The following CATSPERB variants were observed in gnomAD, a reference collection of about 807,000 sequenced individuals.
CATSPERB encodes the protein catsper channel auxiliary subunit beta.
CATSPERB carries 93 observed loss-of-function variants against 128.3 expected under a neutral mutation model. That is an observed-to-expected ratio of 0.72 (90% CI 0.61 to 0.86). The LOEUF (loss-of-function observed/expected upper bound fraction) is 0.86, where lower values mean the gene tolerates loss of function less well. Ranked by LOEUF, CATSPERB falls within the 40% of genes least tolerant of loss-of-function variation. The pLI, the probability that CATSPERB is intolerant of heterozygous loss-of-function variation, is 0.00. For synonymous variants in CATSPERB, 381 were observed against 448.8 expected (o/e 0.85, Z 1.91); for missense variants, 1,153 against 1,329.5 (o/e 0.87, Z 2.06).
chr14:91,642,693 G>A (rs1327176767), intron 15 of CATSPERB, among the ~76,000 whole-genome samples: 11 of 132,434 alleles, frequency 8.3e-5, no homozygotes, highest in African/African-American at 2.6e-4. Flanking sequence ...GTCTCTGCCC[G>A]GCTTTGGTAT....
At chr14:91,646,643 C>T (rs948856927) in intron 15 of CATSPERB, among the ~76,000 whole-genome samples, 3 of 152,196 alleles carry the variant, frequency 2.0e-5, no homozygotes, top group Non-Finnish European at 2.9e-5. Context: ...TTCAGCTACA[C>T]GAGCCTGAGG....
Position 91,582,183 on chromosome 14 carries a change from T to C in CATSPERB, c.3133-1076A>G, listed in dbSNP as rs371530683. Among the ~76,000 whole-genome samples the C allele has an allele frequency of 9.8e-5, 15 of 152,328 alleles. No individual in the cohort carries two copies. In the East Asian group the frequency reaches 2.9e-3, roughly 29 times the overall value. On this transcript the variant is annotated intron_variant, in intron 26 of 26. Coordinates refer to ENST00000256343, the MANE Select transcript of CATSPERB (RefSeq NM_024764.4). ...TGACATCCTAACATTGCCAGATTTA[T>C]CTTTGTATAAAACACCAGTCTGTGT... is the stretch of plus-strand genomic sequence containing the variant.
At chr14:91,601,618 A>T (rs184932963) in intron 22 of CATSPERB, among the ~76,000 whole-genome samples, 71 of 152,314 alleles carry the variant, frequency 4.7e-4, no homozygotes, top group African/African-American at 1.7e-3. Flanking sequence ...TAGGGATCTG[A>T]TTCTCACATT....
At chr14:91,638,601 T>C (rs990687947) in intron 16 of CATSPERB, among the ~76,000 whole-genome samples, 2 of 152,126 alleles carry the variant, frequency 1.3e-5, no homozygotes, top group Non-Finnish European at 2.9e-5. Context: ...TTTAATTCTT[T>C]GGTAGAGATG....
chr14:91,588,187 A>G (rs1893337119), intron 24 of CATSPERB, 109 bp from the exon 25 acceptor site: 1 of 668,212 alleles, frequency 1.5e-6, no homozygotes, highest in South Asian at 1.9e-5. Context: ...TACTATTACT[A>G]TTTCATTTGC....
At position 91,581,042 on chromosome 14, in the gene CATSPERB, T is replaced by C. The variant is rs1893198747; in HGVS notation, c.3198A>G (p.Val1066=). The C allele has an allele frequency of 1.2e-6, 2 of 1,614,234 alleles. No homozygotes were observed. Among genetic ancestry groups the C allele is most frequent in the South Asian group, 1.1e-5 (1 of 91,086 alleles). ...GHTLIAVATA[V]VLGGLIFIAF... ...CTATAAAAATTAATCCCCCTAGCAC[T>C]ACCGCTGTTGCCACGGCAATAAGCG... is the stretch of plus-strand genomic sequence containing the variant. The change falls in exon 27 of 27, where the codon GTA becomes GTG. Residue 1066 remains valine (V), a synonymous_variant. Transcript: ENST00000256343.
intron 21 of CATSPERB, 36 bp from the exon 22 acceptor site, chr14:91,608,440 T>C: frequency 8.3e-7 from 1 of 1,209,138 alleles, no homozygotes; most frequent in Non-Finnish European, 1.2e-6. Context: ...GTACAATTCA[T>C]TATTATGAAG....
At chr14:91,620,552 T>C (rs922349912) in intron 19 of CATSPERB, among the ~76,000 whole-genome samples, 17 of 152,360 alleles carry the variant, frequency 1.1e-4, no homozygotes, top group East Asian at 3.9e-4. Flanking sequence ...ATTTTTTGTT[T>C]TATTTTTTCC....
chr14:91,724,740 G>C (rs1478179617), intron 3 of CATSPERB, among the ~76,000 whole-genome samples: 1 of 152,034 alleles, frequency 6.6e-6, no homozygotes, highest in Non-Finnish European at 1.5e-5. Flanking sequence ...GATTTTCAAG[G>C]TCATGTGAGG....
intron 5 of CATSPERB, among the ~76,000 whole-genome samples, chr14:91,713,309 C>T (rs936704219): frequency 1.3e-5 from 2 of 151,706 alleles, no homozygotes; most frequent in Non-Finnish European, 2.9e-5. Context: ...GCAAATTAAA[C>T]CCAGTGCAAG....
intron 23 of CATSPERB, among the ~76,000 whole-genome samples, chr14:91,591,377 T>C (rs904027725): frequency 1.3e-5 from 2 of 152,096 alleles, no homozygotes; most frequent in African/African-American, 4.8e-5. Flanking sequence ...TTGACTCTTC[T>C]AATGCAAATT....
chr14:91,673,367 C>G (rs75342873), intron 12 of CATSPERB, among the ~76,000 whole-genome samples: 1,559 of 152,214 alleles, frequency 0.01, 23 homozygotes, highest in African/African-American at 0.033. Flanking sequence ...GTGTAAATCC[C>G]CCAATTTTAC....
intron 5 of CATSPERB, chr14:91,710,736 T>G (rs1255125097): frequency 6.6e-6 from 1 of 152,210 alleles, no homozygotes; most frequent in East Asian, 1.9e-4. Flanking sequence ...CCATAACTAC[T>G]CCAGTGGCTG....
chr14:91,671,807 A>G (rs1225420529), intron 13 of CATSPERB, among the ~76,000 whole-genome samples: 2 of 152,022 alleles, frequency 1.3e-5, no homozygotes, highest in African/African-American at 4.8e-5. Flanking sequence ...CGAGGCGGGC[A>G]GATCACGAGG....
At chr14:91,594,412 G>A (rs1164561030) in intron 22 of CATSPERB, among the ~76,000 whole-genome samples, 1 of 151,650 alleles carries the variant, frequency 6.6e-6, no homozygotes, top group East Asian at 1.9e-4. Context: ...CACCAACATG[G>A]CACATGTATA....
At chr14:91,719,998 T>A (rs890581664) in intron 4 of CATSPERB, among the ~76,000 whole-genome samples, 1 of 152,100 alleles carries the variant, frequency 6.6e-6, no homozygotes, top group Non-Finnish European at 1.5e-5. Context: ...CTAAAAGAAT[T>A]GAGTAGCGAT....
chr14:91,705,526 C>T (rs1182601343), intron 6 of CATSPERB, among the ~76,000 whole-genome samples: 1 of 152,246 alleles, frequency 6.6e-6, no homozygotes, highest in Admixed American at 6.5e-5. Context: ...TAAGGTCTTT[C>T]ACGTGGCAAA....
At chr14:91,656,919 G>A (rs981684788) in intron 15 of CATSPERB, among the ~76,000 whole-genome samples, 3 of 151,952 alleles carry the variant, frequency 2.0e-5, no homozygotes, top group Middle Eastern at 3.4e-3. Flanking sequence ...GACAAAGAGG[G>A]TCATTATATA....
intron 10 of CATSPERB, among the ~76,000 whole-genome samples, chr14:91,690,781 G>A (rs545731597): frequency 6.6e-6 from 1 of 152,362 alleles, no homozygotes; most frequent in South Asian, 2.1e-4. Context: ...ACAGACTGGA[G>A]CCTGCACAGT....
Sources: gnomAD v4.1 joint callset for allele counts (sites outside exome capture counted in the v4.1 genomes callset) on GRCh38, gnomAD v4.1.1 for gene constraint, MANE v1.5 for transcripts, NCBI Gene and HGNC (gene_info 2026-07-23, HGNC 2026-07-21) for gene names.